The following ZBTB20 variants were observed in gnomAD, a reference collection of about 807,000 sequenced individuals.
ZBTB20 encodes zinc finger and BTB domain containing 20, also known as zinc finger and BTB domain-containing protein 20.
A neutral mutation model predicts 56.9 loss-of-function variants in ZBTB20; 9 were observed. The observed-to-expected ratio is 0.16, with a 90% CI of 0.10 to 0.28. The LOEUF is 0.28. ZBTB20 is among the 10% of genes least tolerant of loss of function. The pLI is 1.00. For missense variants in ZBTB20, 655 were observed against 1,003.0 expected (o/e 0.65, Z 4.69); for synonymous variants, 417 against 420.7 (o/e 0.99, Z 0.11).
intron 5 of ZBTB20, among the ~76,000 whole-genome samples, chr3:114,771,974 C>T (rs2069241681): frequency 6.6e-6 from 1 of 152,174 alleles, no homozygotes; most frequent in Non-Finnish European, 1.5e-5. Flanking sequence ...TGTCTTGCAT[C>T]CTGCTCTCAA....
chr3:114,552,870 C>T (rs1380598535), intron 6 of ZBTB20, among the ~76,000 whole-genome samples: 2 of 152,212 alleles, frequency 1.3e-5, no homozygotes, highest in Admixed American at 6.5e-5. Flanking sequence ...AAGAAGGTGT[C>T]TGTTACTTCG....
At chr3:115,086,803 T>C (rs758742533) in intron 1 of ZBTB20, among the ~76,000 whole-genome samples, 3 of 151,872 alleles carry the variant, frequency 2.0e-5, no homozygotes, top group Non-Finnish European at 4.4e-5. Context: ...CACTTCTAAG[T>C]TCTGTTGCAT....
chr3:115,035,366 A>G (rs1323932515), intron 2 of ZBTB20, among the ~76,000 whole-genome samples: 1 of 152,140 alleles, frequency 6.6e-6, no homozygotes, highest in Non-Finnish European at 1.5e-5. Context: ...CTAAAAACAC[A>G]ACAACAAAAA....
intron 1 of ZBTB20, among the ~76,000 whole-genome samples, chr3:115,119,909 A>G (rs1181848199): frequency 6.6e-6 from 1 of 152,118 alleles, no homozygotes; most frequent in African/African-American, 2.4e-5. Flanking sequence ...TTACTAAATG[A>G]AAGAAGCCAA....
intron 7 of ZBTB20, among the ~76,000 whole-genome samples, chr3:114,491,044 C>A (rs2042698359): frequency 6.6e-6 from 1 of 152,152 alleles, no homozygotes; most frequent in South Asian, 2.1e-4. Context: ...TAGATGGTGT[C>A]TTACTCACCT....
intron 1 of ZBTB20, among the ~76,000 whole-genome samples, chr3:115,131,482 G>A (rs1576824706): frequency 6.6e-6 from 1 of 152,118 alleles, no homozygotes; most frequent in Admixed American, 6.6e-5. Flanking sequence ...GCCCATGGTT[G>A]AGTTTCCATT....
At chr3:115,111,560 A>G (rs1035205009) in intron 1 of ZBTB20, among the ~76,000 whole-genome samples, 2 of 152,202 alleles carry the variant, frequency 1.3e-5, no homozygotes, top group Non-Finnish European at 2.9e-5. Flanking sequence ...CTCAATAATT[A>G]ATTTGCACTT....
At chr3:114,852,026 A>T (rs2075024484) in intron 4 of ZBTB20, among the ~76,000 whole-genome samples, 1 of 151,980 alleles carries the variant, frequency 6.6e-6, no homozygotes, top group Non-Finnish European at 1.5e-5. Context: ...ACTGTTTTTT[A>T]AATTTTTATT....
At position 114,853,387 on chromosome 3, in the gene ZBTB20, T is replaced by C. The variant is rs530598334; in HGVS notation, c.-417+46917A>G. 8.5e-5 allele frequency among the ~76,000 whole-genome samples: 13 copies of C among 152,386 alleles called. No individual in the cohort carries two copies. The East Asian group carries it at 2.5e-3, about 29-fold the overall frequency. Reference sequence around the variant, plus strand: ...TTTCTGATTTGAGAGTGTACCTGCCTTCTGTAAGAAAAGGCTTTTTTATAT... The same window carrying C: ...TTTCTGATTTGAGAGTGTACCTGCCCTCTGTAAGAAAAGGCTTTTTTATAT... On this transcript the variant is annotated intron_variant, in intron 4 of 11. Coordinates refer to ENST00000675478, the MANE Select transcript of ZBTB20 (RefSeq NM_001348800.3).
chr3:114,489,610 T>C (rs947731699), intron 7 of ZBTB20, among the ~76,000 whole-genome samples: 10 of 152,146 alleles, frequency 6.6e-5, no homozygotes, highest in African/African-American at 2.4e-4. Flanking sequence ...TAGAAGGTGA[T>C]CTAAAAAATT....
At chr3:114,829,266 G>A (rs658193) in intron 4 of ZBTB20, among the ~76,000 whole-genome samples, 28 of 151,848 alleles carry the variant, frequency 1.8e-4, no homozygotes, top group African/African-American at 6.5e-4. Flanking sequence ...AAATTCCCAT[G>A]GATACTGTGA....
intron 7 of ZBTB20, among the ~76,000 whole-genome samples, chr3:114,408,000 A>G (rs2087507165): frequency 6.6e-6 from 1 of 152,176 alleles, no homozygotes; most frequent in Non-Finnish European, 1.5e-5. Context: ...AGTGCTGAAG[A>G]AACTCTATCT....
chr3:115,066,182 A>C (rs1372999652), intron 2 of ZBTB20, among the ~76,000 whole-genome samples: 1 of 152,034 alleles, frequency 6.6e-6, no homozygotes, highest in Non-Finnish European at 1.5e-5. Flanking sequence ...AATTCAAATG[A>C]ATCTTTTATA....
intron 5 of ZBTB20, among the ~76,000 whole-genome samples, chr3:114,739,815 C>A (rs1016657807): frequency 2.6e-5 from 4 of 152,194 alleles, no homozygotes; most frequent in African/African-American, 7.2e-5. Flanking sequence ...TTCTGACATT[C>A]CACCACTGTG....
intron 3 of ZBTB20, among the ~76,000 whole-genome samples, chr3:114,971,852 G>A (rs1023847319): frequency 6.6e-6 from 1 of 152,200 alleles, no homozygotes; most frequent in Non-Finnish European, 1.5e-5. Context: ...AAGCAATTGG[G>A]GCAGCAATGT....
intron 7 of ZBTB20, among the ~76,000 whole-genome samples, chr3:114,477,489 C>CTTTTT (rs765333264): frequency 1.9e-4 from 21 of 109,242 alleles, no homozygotes; most frequent in South Asian, 2.9e-4. Flanking sequence ...GTTCCCTGCA[C>CTTTTT]TTTTTTTTTT....
At chr3:114,631,843 G>A (rs1005294504) in intron 6 of ZBTB20, among the ~76,000 whole-genome samples, 3 of 152,166 alleles carry the variant, frequency 2.0e-5, no homozygotes, top group Non-Finnish European at 4.4e-5. Flanking sequence ...GTTAGAACTA[G>A]TTTTACATAT....
intron 6 of ZBTB20, among the ~76,000 whole-genome samples, chr3:114,662,377 G>T (rs1039419629): frequency 6.8e-6 from 1 of 146,018 alleles, no homozygotes; most frequent in Non-Finnish European, 1.5e-5. Context: ...ATGTGCATGT[G>T]TCTTTATAGC....
chr3:114,967,601 AG>A (rs1036805738), intron 3 of ZBTB20, among the ~76,000 whole-genome samples: 38 of 152,156 alleles, frequency 2.5e-4, no homozygotes, highest in Admixed American at 6.6e-4. Flanking sequence ...GGGAAAAAAA[AG>A]GGGGGAAAGC....
Sources: allele counts gnomAD v4.1 joint callset (sites outside exome capture counted in the v4.1 genomes callset), GRCh38; gene constraint gnomAD v4.1.1; transcripts MANE v1.5; gene names NCBI Gene and HGNC (gene_info 2026-07-23, HGNC 2026-07-21).